The following CATSPER3 variants were observed in gnomAD, a reference collection of about 807,000 sequenced individuals.
CATSPER3 encodes the protein cation channel sperm associated 3.
In CATSPER3, 23 loss-of-function variants were observed where a neutral mutation model predicts 36.6. That is an observed-to-expected ratio of 0.63 (90% CI 0.45 to 0.89). The LOEUF is 0.89. Among genes scored for constraint, CATSPER3 ranks in the 40% least tolerant of loss-of-function variants. The pLI is 0.00. For synonymous variants in CATSPER3, 172 were observed against 184.1 expected (o/e 0.93, Z 0.53); for missense variants, 474 against 503.9 (o/e 0.94, Z 0.57).
intron 3 of CATSPER3, among the ~76,000 whole-genome samples, chr5:134,997,879 A>G (rs1436343203): frequency 6.6e-6 from 1 of 151,736 alleles, no homozygotes; most frequent in East Asian, 1.9e-4. Flanking sequence ...CCCCAACCTC[A>G]AATCCCAAAC....
chr5:134,977,382 T>TA (rs1355837794), intron 2 of CATSPER3, among the ~76,000 whole-genome samples: 24 of 152,324 alleles, frequency 1.6e-4, no homozygotes, highest in African/African-American at 5.5e-4. Context: ...TCATCACTCT[T>TA]ATGTTCAGCT....
intron 3 of CATSPER3, among the ~76,000 whole-genome samples, chr5:135,003,310 G>A (rs1296221123): frequency 6.6e-6 from 1 of 152,188 alleles, no homozygotes; most frequent in Non-Finnish European, 1.5e-5. Flanking sequence ...TTGTTTCTCT[G>A]GAAGCTTCAT....
chr5:135,009,942 G>T (rs1420626306), intron 6 of CATSPER3, among the ~76,000 whole-genome samples: 1 of 152,198 alleles, frequency 6.6e-6, no homozygotes, highest in Non-Finnish European at 1.5e-5. Flanking sequence ...GAGATTTTCT[G>T]TCAAGCATGA....
intron 3 of CATSPER3, among the ~76,000 whole-genome samples, chr5:135,002,166 A>G (rs1285375452): frequency 1.3e-5 from 2 of 152,226 alleles, no homozygotes; most frequent in East Asian, 3.8e-4. Flanking sequence ...TGGTGGTGAC[A>G]AAATCTCTCA....
chr5:135,007,922 G>T, intron 3 of CATSPER3, 35 bp from the exon 4 acceptor site: 1 of 1,600,538 alleles, frequency 6.2e-7, no homozygotes, highest in South Asian at 1.1e-5. Context: ...CAGCTTGGTG[G>T]TACCCTCGCC....
chr5:134,988,317 CAATTTCTTAA>C (rs1409236643), intron 2 of CATSPER3, among the ~76,000 whole-genome samples: 3 of 152,128 alleles, frequency 2.0e-5, no homozygotes, highest in African/African-American at 7.2e-5. Context: ...GTGTCTGTGG[CAATTTCTTAA>C]AATAAGACAA....
Position 135,010,445 on chromosome 5 carries a change from A to G in CATSPER3, c.1009A>G (p.Met337Val), listed in dbSNP as rs147914352. 239 of 1,613,506 alleles carry G rather than the reference A, an allele frequency of 1.5e-4. 2 individuals carry two copies. The South Asian group carries it at 2.1e-3, about 14-fold the overall frequency. ...GAAGACCTTGAGCCACACTGACCCA[A>G]TGGTCTTGGATGATTTTGGCACTAG... ...FKKTLSHTDP[M>V]VLDDFGTSLP... Residue 337 changes from methionine (M) to valine (V), a missense_variant, in exon 7 of 8, where the codon ATG becomes GTG. Physicochemically the swap from Met to Val is conservative, Grantham distance 21 (BLOSUM62 1). Transcript: ENST00000282611.
chr5:134,984,313 A>C (rs1227561722), intron 2 of CATSPER3, among the ~76,000 whole-genome samples: 2 of 152,202 alleles, frequency 1.3e-5, no homozygotes, highest in African/African-American at 4.8e-5. Flanking sequence ...TTTGCAAAGG[A>C]AATAATCAGA....
Position 135,007,978 on chromosome 5 carries a change from C to A in CATSPER3, c.514C>A (p.Gln172Lys), listed in dbSNP as rs1263611528. The part of the protein sequence containing the change: ...GIRTLITAVG[Q>K]TVYTVASVLL... Reference sequence around the variant, plus strand: ...GCAGACGCTGATCACCGCCGTGGGGCAGACAGTCTACACCGTGGCCTCTGT... The same window carrying A: ...GCAGACGCTGATCACCGCCGTGGGGAAGACAGTCTACACCGTGGCCTCTGT... Residue 172 changes from glutamine to lysine, a missense_variant, in exon 4 of 8, where the codon CAG (glutamine) becomes AAG (lysine). Physicochemically the swap from Gln to Lys is moderately conservative, Grantham distance 53. Transcript: ENST00000282611. 1.2e-6 allele frequency: 2 copies of A among 1,613,984 alleles called. No individual in the cohort carries two copies. The highest frequency in any genetic ancestry group is 3.3e-5 in the Admixed American group (2 of 60,012).
Position 134,975,440 on chromosome 5 carries a change from AAAAC to A in CATSPER3, c.252+5368_252+5371del, listed in dbSNP as rs369154582. ...TAGTGAGACCCTGTCTCTGTGGGGAAAAACAAACAAACAAACAAACAAAAAAAAC... is the reference window on the plus strand; with the variant it reads ...TAGTGAGACCCTGTCTCTGTGGGGAAAAACAAACAAACAAACAAAAAAAAC... On this transcript the variant is annotated intron_variant, in intron 2 of 7. Transcript: ENST00000282611. 4.7e-3 allele frequency: 717 copies of A among 152,978 alleles called. 5 individuals are homozygous for A. Among genetic ancestry groups the A allele is most frequent in the South Asian group, 0.023 (112 of 4,824 alleles). 9.5% of individuals were successfully genotyped at this position (152,978 alleles called of 1,614,324 possible).
chr5:134,968,718 G>C (rs930422370), intron 1 of CATSPER3: 8 of 150,896 alleles, frequency 5.3e-5, no homozygotes, highest in African/African-American at 1.9e-4. Context: ...AAAGGAAAAA[G>C]AAAAATATAT....
chr5:135,007,493 C>T (rs1383066065), intron 3 of CATSPER3, among the ~76,000 whole-genome samples: 2 of 152,212 alleles, frequency 1.3e-5, no homozygotes, highest in African/African-American at 2.4e-5. Context: ...ACGGGGTCGA[C>T]AAGGACCAGG....
intron 2 of CATSPER3, among the ~76,000 whole-genome samples, chr5:134,979,256 C>A (rs1751719381): frequency 1.3e-5 from 2 of 152,146 alleles, no homozygotes; most frequent in African/African-American, 4.8e-5. Flanking sequence ...CCCACCTCAG[C>A]CTCCTGAGTA....
chr5:134,969,084 A>G (rs1012599543), intron 1 of CATSPER3: 1 of 152,258 alleles, frequency 6.6e-6, no homozygotes, highest in Non-Finnish European at 1.5e-5. Flanking sequence ...CCTGTATTTC[A>G]CAAGATGGAC....
chr5:134,996,628 G>A (rs757405749), intron 3 of CATSPER3, 116 bp downstream of exon 3: 1 of 923,910 alleles, frequency 1.1e-6, no homozygotes, highest in Non-Finnish European at 1.7e-6. Context: ...AGTCCAACGT[G>A]TGTGGCAGGT....
chr5:134,997,846 C>G (rs541609247), intron 3 of CATSPER3, among the ~76,000 whole-genome samples: 5 of 152,300 alleles, frequency 3.3e-5, no homozygotes, highest in African/African-American at 1.2e-4. Context: ...TGTGTCTAAA[C>G]TGAAGTTGTC....
intron 3 of CATSPER3, 90 bp downstream of exon 3, chr5:134,996,602 C>A: frequency 1.5e-6 from 2 of 1,335,004 alleles, no homozygotes; most frequent in Non-Finnish European, 1.1e-6. Context: ...ACTCTACTAC[C>A]ATCTTCCAGT....
chr5:134,981,394 G>A (rs1580905158), intron 2 of CATSPER3, among the ~76,000 whole-genome samples: 1 of 152,268 alleles, frequency 6.6e-6, no homozygotes, highest in Non-Finnish European at 1.5e-5. Context: ...GCTGAGGTAG[G>A]AGAATTGCTT....
chr5:134,980,208 C>G (rs1416264861), intron 2 of CATSPER3, among the ~76,000 whole-genome samples: 1 of 152,028 alleles, frequency 6.6e-6, no homozygotes, highest in African/African-American at 2.4e-5. Flanking sequence ...CCTTGAACTC[C>G]TGGCCTCAAG....
Sources: gnomAD v4.1 joint callset for allele counts (sites outside exome capture counted in the v4.1 genomes callset) on GRCh38, gnomAD v4.1.1 for gene constraint, MANE v1.5 for transcripts, NCBI Gene and HGNC (gene_info 2026-07-23, HGNC 2026-07-21) for gene names.